GTF2F2: variants seen among roughly 807,000 people sequenced by gnomAD.
GTF2F2 encodes ATP-dependent helicase GTF2F2.
Under a neutral mutation model 42.2 loss-of-function variants are expected in GTF2F2, and 23 were observed. The observed-to-expected ratio is 0.55, with a 90% CI of 0.39 to 0.77. GTF2F2 has a LOEUF of 0.77. Ranked by LOEUF, GTF2F2 falls within the 30% of genes least tolerant of loss-of-function variation. The probability of loss-of-function intolerance (pLI) is 0.00; values close to 1 mark genes in which losing one functional copy is unlikely to be tolerated. For synonymous variants in GTF2F2, 105 were observed against 100.8 expected (o/e 1.04, Z -0.25); for missense variants, 261 against 287.2 (o/e 0.91, Z 0.66).
At chr13:45,209,101 C>T (rs1038316573) in intron 5 of GTF2F2, among the ~76,000 whole-genome samples, 3 of 152,132 alleles carry the variant, frequency 2.0e-5, no homozygotes, top group African/African-American at 7.2e-5. Context: ...AAAATGGCTG[C>T]TTTTTTCCTA....
At chr13:45,254,900 C>T (rs377309534) in intron 6 of GTF2F2, among the ~76,000 whole-genome samples, 34 of 152,228 alleles carry the variant, frequency 2.2e-4, no homozygotes, top group African/African-American at 8.2e-4. Context: ...AGTGCGGTGG[C>T]TCACGCCTGT....
Position 45,215,201 on chromosome 13 carries a change from T to C in GTF2F2, c.386+7696T>C, listed in dbSNP as rs1053220539. On this transcript the variant is annotated intron_variant, in intron 5 of 7. Transcript: ENST00000340473. ...TTCAGACTTCAAATGTTAAGGATGCTAAGTTTAATGCAAATATCCCCAAAT... is the reference window on the plus strand; with the variant it reads ...TTCAGACTTCAAATGTTAAGGATGCCAAGTTTAATGCAAATATCCCCAAAT... Among the ~76,000 whole-genome samples, 23 of 152,312 alleles carry C rather than the reference T, an allele frequency of 1.5e-4. No individual in the cohort carries two copies. In the South Asian group the frequency reaches 2.3e-3, roughly 15 times the overall value.
intron 4 of GTF2F2, among the ~76,000 whole-genome samples, chr13:45,195,592 T>A (rs1872850619): frequency 6.6e-6 from 1 of 152,192 alleles, no homozygotes. Flanking sequence ...ACCTTGTTTT[T>A]CAACTTGGGA....
intron 2 of GTF2F2, among the ~76,000 whole-genome samples, chr13:45,144,488 T>G (rs1281989809): frequency 3.1e-5 from 4 of 128,640 alleles, no homozygotes; most frequent in Non-Finnish European, 6.3e-5. Context: ...TGAGACAGAG[T>G]CTCACTCAGT....
intron 4 of GTF2F2, among the ~76,000 whole-genome samples, chr13:45,169,391 G>GGCTCA (rs1312613952): frequency 3.9e-5 from 6 of 152,190 alleles, no homozygotes; most frequent in Non-Finnish European, 7.3e-5. Flanking sequence ...CAGGAGCTGA[G>GGCTCA]CCTTAGAAGA....
intron 6 of GTF2F2, among the ~76,000 whole-genome samples, chr13:45,266,924 G>T (rs1363341602): frequency 7.2e-5 from 11 of 152,106 alleles, no homozygotes. Flanking sequence ...GAGGCAGGTG[G>T]ATCACCTGAG....
intron 6 of GTF2F2, among the ~76,000 whole-genome samples, chr13:45,254,672 A>G (rs1456750641): frequency 6.6e-6 from 1 of 152,190 alleles, no homozygotes; most frequent in Non-Finnish European, 1.5e-5. Flanking sequence ...ACCACTGTGT[A>G]TGTTGCCGCT....
intron 7 of GTF2F2, among the ~76,000 whole-genome samples, chr13:45,278,850 A>G (rs1402001218): frequency 3.8e-5 from 4 of 106,074 alleles, no homozygotes; most frequent in Non-Finnish European, 5.3e-5. Flanking sequence ...TTGAGGTGGA[A>G]TCTTGCTCTG....
At chr13:45,168,297 T>G (rs976457989) in intron 4 of GTF2F2, among the ~76,000 whole-genome samples, 1 of 152,230 alleles carries the variant, frequency 6.6e-6, no homozygotes, top group African/African-American at 2.4e-5. Flanking sequence ...CTTTTACATC[T>G]CGGCACCTTT....
chr13:45,120,635 G>A lies in GTF2F2; in HGVS notation c.-21G>A. 6.5e-7 allele frequency: 1 copy of A among 1,548,460 alleles called. No individual in the cohort carries two copies. Among genetic ancestry groups the A allele is most frequent in the Admixed American group, 2.0e-5 (1 of 51,116 alleles). On this transcript the variant is annotated 5_prime_UTR_variant, in exon 1 of 8. Coordinates refer to ENST00000340473, the MANE Select transcript of GTF2F2 (RefSeq NM_004128.3). The stretch of plus-strand genomic sequence containing the variant: ...CTGGGGTCGCTGCTGCATCCCGCAC[G>A]CCTCCACCGGCTGCAGACCCATGGC...
intron 4 of GTF2F2, among the ~76,000 whole-genome samples, chr13:45,175,630 T>C (rs1046260612): frequency 2.6e-5 from 4 of 152,226 alleles, no homozygotes; most frequent in African/African-American, 9.6e-5. Context: ...ATTCTTTTTC[T>C]CTTTTTTTTG....
chr13:45,200,719 A>G (rs1442236744), intron 4 of GTF2F2, among the ~76,000 whole-genome samples: 1 of 152,208 alleles, frequency 6.6e-6, no homozygotes, highest in Non-Finnish European at 1.5e-5. Flanking sequence ...TTATTAGTAG[A>G]CCTCAACTCA....
intron 6 of GTF2F2, among the ~76,000 whole-genome samples, chr13:45,266,732 ATTACTAAC>A (rs1324468548): frequency 6.6e-6 from 1 of 152,234 alleles, no homozygotes; most frequent in East Asian, 1.9e-4. Flanking sequence ...GACTGGAATT[ATTACTAAC>A]TTAGAGCCTT....
intron 7 of GTF2F2, among the ~76,000 whole-genome samples, chr13:45,267,810 ATTTT>A (rs201281124): frequency 8.2e-6 from 1 of 121,764 alleles, no homozygotes; most frequent in Non-Finnish European, 1.8e-5. Flanking sequence ...TTTTCTGTGG[ATTTT>A]TTTTTTTTTT....
intron 6 of GTF2F2, among the ~76,000 whole-genome samples, chr13:45,255,622 T>C (rs1453244286): frequency 2.0e-5 from 3 of 152,250 alleles, no homozygotes; most frequent in Non-Finnish European, 4.4e-5. Context: ...TCCATTGTAG[T>C]CTTTTCTACT....
Position 45,267,244 on chromosome 13 carries a change from A to G in GTF2F2, c.498A>G (p.Glu166=), listed in dbSNP as rs774427596. The G allele has an allele frequency of 1.1e-5, 17 of 1,612,650 alleles. No homozygotes were observed. The African/African-American group carries it at 1.1e-4, about 10-fold the overall frequency. ...VANHQYNIEY[E]RKKKEDGKRA... ...CTGTTTGCATATAGATCGAATATGA[A>G]AGGAAAAAGAAAGAAGACGGAAAGC... The change falls in exon 7 of 8, where the codon GAA becomes GAG. Residue 166 remains glutamate (E), a synonymous_variant. Transcript: ENST00000340473.
intron 4 of GTF2F2, chr13:45,194,325 CCT>C (rs1405570358): frequency 6.2e-7 from 1 of 1,614,114 alleles, no homozygotes. Flanking sequence ...GGAGACCATC[CCT>C]GTCTATGAAA....
At chr13:45,235,396 A>G (rs960682680) in intron 5 of GTF2F2, among the ~76,000 whole-genome samples, 1 of 152,012 alleles carries the variant, frequency 6.6e-6, no homozygotes, top group Non-Finnish European at 1.5e-5. Context: ...GTAATGCATT[A>G]TAGTTCATCA....
At chr13:45,244,847 T>C (rs1250603307) in intron 5 of GTF2F2, among the ~76,000 whole-genome samples, 1 of 152,134 alleles carries the variant, frequency 6.6e-6, no homozygotes, top group Non-Finnish European at 1.5e-5. Flanking sequence ...ATTTTTTGTA[T>C]TTTTAGTAGA....
Sources: allele counts gnomAD v4.1 joint callset (sites outside exome capture counted in the v4.1 genomes callset), GRCh38; gene constraint gnomAD v4.1.1; transcripts MANE v1.5; gene names NCBI Gene and HGNC (gene_info 2026-07-23, HGNC 2026-07-21).